Variants in EDIL3 observed in about 807,000 individuals in gnomAD.
EDIL3 encodes the protein EGF like and discoidin domains 3, also known as EGF-like repeat and discoidin I-like domain-containing protein 3.
EDIL3 carries 37 observed loss-of-function variants against 67.4 expected under a neutral mutation model. That is an observed-to-expected ratio of 0.55 (90% CI 0.42 to 0.72). EDIL3 has a LOEUF of 0.72. EDIL3 is among the 30% of genes least tolerant of loss of function. The pLI, the probability that EDIL3 is intolerant of heterozygous loss-of-function variation, is 0.00. For missense variants in EDIL3, 527 were observed against 586.3 expected (o/e 0.90, Z 1.04); for synonymous variants, 195 against 196.3 (o/e 0.99, Z 0.05).
At chr5:84,161,341 T>C (rs954595817) in intron 4 of EDIL3, among the ~76,000 whole-genome samples, 3 of 151,884 alleles carry the variant, frequency 2.0e-5, no homozygotes, top group African/African-American at 7.3e-5. Context: ...AAAACCTGGG[T>C]TTGTTATGAC....
chr5:84,305,877 T>C (rs1315086506), intron 1 of EDIL3, among the ~76,000 whole-genome samples: 1 of 146,530 alleles, frequency 6.8e-6, no homozygotes, highest in Non-Finnish European at 1.5e-5. Flanking sequence ...AGACTTGGTC[T>C]TAAAAGTAAA....
intron 6 of EDIL3, among the ~76,000 whole-genome samples, chr5:84,101,154 G>T (rs942489743): frequency 6.6e-6 from 1 of 151,974 alleles, no homozygotes; most frequent in Non-Finnish European, 1.5e-5. Flanking sequence ...GACCTGTGTT[G>T]CAATAAACAT....
chr5:84,351,342 A>G (rs76362111), intron 1 of EDIL3, among the ~76,000 whole-genome samples: 183 of 152,240 alleles, frequency 1.2e-3, no homozygotes, highest in African/African-American at 4.2e-3. Flanking sequence ...CCTCTCATTG[A>G]AAAACACTAA....
At position 84,135,140 on chromosome 5, in the gene EDIL3, C is replaced by G. The variant is rs1381603525; in HGVS notation, c.469+2101G>C. Among the ~76,000 whole-genome samples the G allele has an allele frequency of 3.3e-5, 5 of 152,132 alleles. No homozygotes were observed. The East Asian group carries it at 9.7e-4, about 29-fold the overall frequency. On this transcript the variant is annotated intron_variant, in intron 5 of 10. Coordinates refer to ENST00000296591, the MANE Select transcript of EDIL3 (RefSeq NM_005711.5). ...CCCTAGAGCTCCACATTCTAGGTCT[C>G]CTCTTCTAGGATATCCACACCCTCA... is the stretch of plus-strand genomic sequence containing the variant.
intron 9 of EDIL3, among the ~76,000 whole-genome samples, chr5:84,026,242 G>A (rs923939450): frequency 6.6e-5 from 10 of 152,144 alleles, no homozygotes; most frequent in African/African-American, 2.4e-4. Context: ...GAGAATATAA[G>A]ATTTCTGTTT....
At chr5:84,260,821 A>C (rs1371534842) in intron 1 of EDIL3, among the ~76,000 whole-genome samples, 1 of 152,208 alleles carries the variant, frequency 6.6e-6, no homozygotes, top group South Asian at 2.1e-4. Flanking sequence ...ATACAGATAT[A>C]GAAGTAAAAG....
At chr5:84,239,369 C>A (rs763614700) in intron 2 of EDIL3, among the ~76,000 whole-genome samples, 3 of 152,190 alleles carry the variant, frequency 2.0e-5, no homozygotes, top group East Asian at 3.9e-4. Flanking sequence ...CTTGTTTAGG[C>A]GGCTTTATAA....
At chr5:84,053,222 G>T (rs906093176) in intron 9 of EDIL3, among the ~76,000 whole-genome samples, 3 of 152,118 alleles carry the variant, frequency 2.0e-5, no homozygotes, top group African/African-American at 4.8e-5. Flanking sequence ...GGTACATAAC[G>T]AAATGAAGGC....
chr5:84,132,381 A>ACTATAATATATATTTTAATATATATT (rs1561440573), intron 5 of EDIL3, among the ~76,000 whole-genome samples: 2 of 15,178 alleles, frequency 1.3e-4, no homozygotes, highest in African/African-American at 4.8e-4. Context: ...TATTATATAT[A>ACTATAATATATATTTTAATATATATT]ATATATTTTA....
intron 9 of EDIL3, among the ~76,000 whole-genome samples, chr5:84,006,384 A>G (rs1745417001): frequency 6.6e-6 from 1 of 151,158 alleles, no homozygotes; most frequent in Non-Finnish European, 1.5e-5. Flanking sequence ...AAAACAAAAC[A>G]AAACATAACA....
chr5:83,974,172 T>G (rs1221969015), intron 9 of EDIL3, among the ~76,000 whole-genome samples: 1 of 151,860 alleles, frequency 6.6e-6, no homozygotes, highest in Non-Finnish European at 1.5e-5. Context: ...GGTGATTGCT[T>G]TTTAGGCTAA....
intron 5 of EDIL3, among the ~76,000 whole-genome samples, chr5:84,130,369 T>C (rs1461152484): frequency 6.6e-6 from 1 of 152,160 alleles, no homozygotes; most frequent in Non-Finnish European, 1.5e-5. Flanking sequence ...TTTATTCATG[T>C]ATGTTCTTGT....
chr5:83,998,020 A>G (rs2112166188), intron 9 of EDIL3, among the ~76,000 whole-genome samples: 1 of 152,146 alleles, frequency 6.6e-6, no homozygotes, highest in South Asian at 2.1e-4. Context: ...AAGCTAAAGT[A>G]CTCTGGGATC....
At chr5:84,083,059 C>G (rs1400365004) in intron 6 of EDIL3, among the ~76,000 whole-genome samples, 3 of 152,092 alleles carry the variant, frequency 2.0e-5, no homozygotes, top group Admixed American at 1.3e-4. Context: ...ATTTCTATAG[C>G]AGGGATGAAT....
chr5:84,226,973 T>C (rs530757814), intron 3 of EDIL3, among the ~76,000 whole-genome samples: 5 of 152,010 alleles, frequency 3.3e-5, no homozygotes, highest in African/African-American at 1.2e-4. Context: ...ATATTATACT[T>C]AAATATAGCA....
intron 1 of EDIL3, among the ~76,000 whole-genome samples, chr5:84,314,063 G>A (rs2112147046): frequency 6.6e-6 from 1 of 152,244 alleles, no homozygotes; most frequent in Admixed American, 6.5e-5. Context: ...AGGTGGGGTG[G>A]CACCTGCCTG....
intron 3 of EDIL3, among the ~76,000 whole-genome samples, chr5:84,182,270 TACACACACACACACACAC>T (rs71607704): frequency 5.8e-4 from 83 of 142,020 alleles, no homozygotes; most frequent in Non-Finnish European, 4.6e-4. Context: ...CTACAAAAAA[TACACACACACACACACAC>T]ACACACACAC....
chr5:84,127,782 T>C (rs979692073), intron 5 of EDIL3, among the ~76,000 whole-genome samples: 2 of 152,104 alleles, frequency 1.3e-5, no homozygotes, highest in African/African-American at 2.4e-5. Flanking sequence ...TTAAATTTTA[T>C]CCTTAGCCAT....
chr5:83,989,523 C>T (rs1250536359), intron 9 of EDIL3, among the ~76,000 whole-genome samples: 1 of 152,142 alleles, frequency 6.6e-6, no homozygotes, highest in Non-Finnish European at 1.5e-5. Context: ...CTGATGGTTC[C>T]TTTGGGTCTT....
Sources: allele counts gnomAD v4.1 joint callset (sites outside exome capture counted in the v4.1 genomes callset), GRCh38; gene constraint gnomAD v4.1.1; transcripts MANE v1.5; gene names NCBI Gene and HGNC (gene_info 2026-07-23, HGNC 2026-07-21).